AKAP19: variants seen among roughly 807,000 people sequenced by gnomAD.
The protein encoded by AKAP19 is A-kinase anchoring protein 19.
chr2:190,193,236 T>C, the AKAP19 span, among the ~76,000 whole-genome samples: 1 of 152,114 alleles, frequency 6.6e-6, no homozygotes, highest in African/African-American at 2.4e-5. Flanking sequence ...TTTTTTATGT[T>C]AATATAGTGA....
the AKAP19 span, among the ~76,000 whole-genome samples, chr2:189,918,543 ACACT>A: frequency 6.6e-6 from 1 of 152,204 alleles, no homozygotes; most frequent in Non-Finnish European, 1.5e-5. Context: ...AGAAATTGTA[ACACT>A]CATACATTAC....
the AKAP19 span, among the ~76,000 whole-genome samples, chr2:190,190,219 A>G: frequency 6.6e-6 from 1 of 152,212 alleles, no homozygotes; most frequent in African/African-American, 2.4e-5. Context: ...GGCCTCTTCC[A>G]AACAGTCCTT....
At chr2:190,074,639 A>G in the AKAP19 span, among the ~76,000 whole-genome samples, 1 of 103,550 alleles carries the variant, frequency 9.7e-6, no homozygotes, top group Admixed American at 1.2e-4. Flanking sequence ...GCAACAGAGA[A>G]AGACTTTGTC....
chr2:190,058,363 A>G, the AKAP19 span, among the ~76,000 whole-genome samples: 29 of 152,004 alleles, frequency 1.9e-4, no homozygotes, highest in African/African-American at 7.0e-4. Context: ...TTCTACCTAT[A>G]AAAAGGAACA....
the AKAP19 span, among the ~76,000 whole-genome samples, chr2:189,971,009 G>A: frequency 1.3e-5 from 2 of 151,858 alleles, no homozygotes; most frequent in African/African-American, 4.8e-5. Flanking sequence ...TATACTTTAA[G>A]TTCTAGGGTA....
chr2:190,160,413 C>T, the AKAP19 span, among the ~76,000 whole-genome samples: 72,563 of 151,922 alleles, frequency 0.48, 19,059 homozygotes, highest in East Asian at 0.83. Context: ...AAATGCCAAA[C>T]CCAAATATTA....
chr2:190,152,958 T>G, the AKAP19 span, among the ~76,000 whole-genome samples: 1 of 151,518 alleles, frequency 6.6e-6, no homozygotes, highest in Non-Finnish European at 1.5e-5. Context: ...TGCAGTGGCG[T>G]GATTTCAGCT....
chr2:189,908,075 T>A, the AKAP19 span, among the ~76,000 whole-genome samples: 2 of 151,960 alleles, frequency 1.3e-5, no homozygotes, highest in African/African-American at 4.8e-5. Flanking sequence ...ATCTTTATCA[T>A]TTCCTTCCTT....
At chr2:190,199,547 T>G in the AKAP19 span, 78,431 of 262,778 alleles carry the variant, frequency 0.3, 12,902 homozygotes, top group East Asian at 0.47. Flanking sequence ...AGTGATTATC[T>G]TTTTCTTCTA....
the AKAP19 span, among the ~76,000 whole-genome samples, chr2:190,074,077 C>T: frequency 6.6e-6 from 1 of 151,570 alleles, no homozygotes; most frequent in African/African-American, 2.4e-5. Flanking sequence ...AATATCTAGG[C>T]TCCATCACCA....
chr2:190,043,019 C>A, the AKAP19 span, among the ~76,000 whole-genome samples: 1 of 152,068 alleles, frequency 6.6e-6, no homozygotes, highest in East Asian at 1.9e-4. Flanking sequence ...GAATATAGAC[C>A]CCCAATCTCA....
chr2:190,128,258 CA>C, the AKAP19 span, among the ~76,000 whole-genome samples: 1 of 152,100 alleles, frequency 6.6e-6, no homozygotes, highest in South Asian at 2.1e-4. Context: ...GGTAAAAATC[CA>C]ATGAGAGGTC....
the AKAP19 span, among the ~76,000 whole-genome samples, chr2:190,146,756 T>C: frequency 2.0e-5 from 3 of 152,268 alleles, no homozygotes; most frequent in Non-Finnish European, 4.4e-5. Context: ...TTATTAGTGA[T>C]GTTGAACATT....
the AKAP19 span, among the ~76,000 whole-genome samples, chr2:189,971,670 G>C: frequency 3.9e-5 from 6 of 152,098 alleles, no homozygotes; most frequent in African/African-American, 1.4e-4. Flanking sequence ...TTTAATGATC[G>C]TCATTCTAAC....
chr2:189,990,399 G>A, the AKAP19 span, among the ~76,000 whole-genome samples: 1 of 152,072 alleles, frequency 6.6e-6, no homozygotes, highest in Non-Finnish European at 1.5e-5. Context: ...TGTGGTTTTT[G>A]TCGTTTATTC....
the AKAP19 span, among the ~76,000 whole-genome samples, chr2:190,009,704 G>A: frequency 6.6e-6 from 1 of 152,144 alleles, no homozygotes; most frequent in Non-Finnish European, 1.5e-5. Flanking sequence ...AAATTTGGGA[G>A]CCTTCGTCAT....
the AKAP19 span, among the ~76,000 whole-genome samples, chr2:190,006,638 C>CAAAAAAA: frequency 8.8e-6 from 1 of 113,896 alleles, no homozygotes; most frequent in Non-Finnish European, 1.9e-5. Context: ...GACTCTGTCT[C>CAAAAAAA]AAAAAAAAAA....
At chr2:189,964,955 GCTAA>G in the AKAP19 span, among the ~76,000 whole-genome samples, 3 of 152,242 alleles carry the variant, frequency 2.0e-5, no homozygotes, top group East Asian at 1.9e-4. Flanking sequence ...TCACAACTTG[GCTAA>G]CTGTTTGCCA....
chr2:190,046,627 C>T, the AKAP19 span, among the ~76,000 whole-genome samples: 53 of 152,340 alleles, frequency 3.5e-4, 1 homozygote, highest in South Asian at 0.011. Flanking sequence ...GCACCAGCAT[C>T]TTTCCATTCT....
Sources: gnomAD v4.1 joint callset for allele counts (sites outside exome capture counted in the v4.1 genomes callset) on GRCh38, gnomAD v4.1.1 for gene constraint, MANE v1.5 for transcripts, NCBI Gene and HGNC (gene_info 2026-07-23, HGNC 2026-07-21) for gene names.